The following TRIP12 variants were observed in gnomAD, a reference collection of about 807,000 sequenced individuals.
The protein encoded by TRIP12 is thyroid hormone receptor interactor 12.
In TRIP12, 25 loss-of-function variants were observed where a neutral mutation model predicts 244.2. The observed-to-expected ratio is 0.10, with a 90% CI of 0.07 to 0.14. The LOEUF (loss-of-function observed/expected upper bound fraction) is 0.14, where lower values mean the gene tolerates loss of function less well. Ranked by LOEUF, TRIP12 falls within the 10% of genes least tolerant of loss-of-function variation. The probability of loss-of-function intolerance (pLI) is 1.00; values close to 1 mark genes in which losing one functional copy is unlikely to be tolerated. For missense variants in TRIP12, 1,677 were observed against 2,486.4 expected, an observed-to-expected ratio of 0.67 and a Z score of 6.92; for synonymous variants, 905 against 873.1, an observed-to-expected ratio of 1.04 and a Z score of -0.64.
chr2:229,870,354 A>T (rs754280082), intron 2 of TRIP12, among the ~76,000 whole-genome samples: 17 of 152,254 alleles, frequency 1.1e-4, no homozygotes, highest in Non-Finnish European at 2.2e-4. Context: ...CATGGTGTAC[A>T]AAGAGATGGT....
At position 229,777,447 on chromosome 2, in the gene TRIP12, T is replaced by C. The variant is rs762824531; in HGVS notation, c.5397A>G (p.Lys1799=). 2.0e-5 allele frequency: 33 copies of C among 1,613,736 alleles called. No homozygotes were observed. Among genetic ancestry groups the C allele is most frequent in the Non-Finnish European group, 2.7e-5 (32 of 1,179,820 alleles). ...VDLPLGLPFY[K]WMLRQETSLT... ...GTGAAGTTTCTTGCCGTAGCATCCA[T>C]TTATAAAAGGGTAAGCCAAGGGGAA... Residue 1799 remains lysine, a synonymous_variant, in exon 37 of 42, where the codon AAA becomes AAG. Coordinates refer to ENST00000675903, the MANE Select transcript of TRIP12 (RefSeq NM_001348323.3).
Position 229,848,732 on chromosome 2 carries a change from A to G in TRIP12, c.1028-7805T>C, listed in dbSNP as rs2058075643. ...GAATGCCCCAGATCCAGAGAAAGCAAAACCAGTTGGTCACCCTATCAAGGA... is the reference window on the plus strand; with the variant it reads ...GAATGCCCCAGATCCAGAGAAAGCAGAACCAGTTGGTCACCCTATCAAGGA... On this transcript the variant is annotated intron_variant, in intron 4 of 41. Coordinates refer to ENST00000675903, the MANE Select transcript of TRIP12 (RefSeq NM_001348323.3). 3.3e-5 allele frequency among the ~76,000 whole-genome samples: 5 copies of G among 152,312 alleles called. No homozygotes were observed. In the South Asian group the frequency reaches 1.0e-3, roughly 32 times the overall value.
rs1247881693 is a variant in TRIP12 at position 229,810,885 on chromosome 2, T to C, written c.2216A>G (p.Lys739Arg). ...NCPTLAVQLM[K>R]QNIAETLHFL... Reference sequence around the variant, plus strand: ...AACAGTAAATTTGCACTTACTTTGTTTCATAAGTTGAACAGCTAAAGTTGG... The same window carrying C: ...AACAGTAAATTTGCACTTACTTTGTCTCATAAGTTGAACAGCTAAAGTTGG... The change falls in exon 15 of 42, where the codon AAA becomes AGA. Residue 739 changes from lysine (K) to arginine (R), a missense_variant. Lys to Arg is a conservative substitution (Grantham distance 26, BLOSUM62 2). Coordinates refer to ENST00000675903, the MANE Select transcript of TRIP12 (RefSeq NM_001348323.3). 3 of 1,613,122 alleles carry C rather than the reference T, an allele frequency of 1.9e-6. No homozygotes were observed. Among genetic ancestry groups the C allele is most frequent in the South Asian group, 1.1e-5 (1 of 90,604 alleles).
At chr2:229,793,248 A>G in intron 26 of TRIP12, 103 bp from the exon 27 acceptor site, 1 of 1,139,308 alleles carries the variant, frequency 8.8e-7, no homozygotes, top group Non-Finnish European at 1.2e-6. Context: ...TTCATAAGAC[A>G]CACTAGTACT....
rs1264279038 is a variant in TRIP12 at position 229,764,955 on chromosome 2, T to C, written c.*2599A>G. ...CTGCGTTTCTTACGATGAGTGGCTG[T>C]GTGAAAGGTTTCTGCTGGGTTTGGC... On this transcript the variant is annotated 3_prime_UTR_variant, in exon 42 of 42. Transcript: ENST00000675903. 1.3e-4 allele frequency: 20 copies of C among 152,218 alleles called. No individual in the cohort carries two copies. Among genetic ancestry groups the C allele is most frequent in the Admixed American group, 1.3e-3 (20 of 15,286 alleles). 9.4% of individuals were successfully genotyped at this position (152,218 alleles called of 1,614,324 possible).
chr2:229,776,248 T>A (rs541511302), intron 37 of TRIP12, among the ~76,000 whole-genome samples: 2 of 152,228 alleles, frequency 1.3e-5, no homozygotes, highest in African/African-American at 4.8e-5. Context: ...CAGAGCCTCC[T>A]GTTTTACTTG....
chr2:229,889,724 A>C (rs2066880356), intron 1 of TRIP12, among the ~76,000 whole-genome samples: 1 of 152,198 alleles, frequency 6.6e-6, no homozygotes, highest in Non-Finnish European at 1.5e-5. Context: ...GGGGTACTTT[A>C]AAAGTTCTTC....
chr2:229,856,230 A>T (rs2059591580), intron 4 of TRIP12, among the ~76,000 whole-genome samples: 1 of 152,242 alleles, frequency 6.6e-6, no homozygotes, highest in South Asian at 2.1e-4. Flanking sequence ...AAGTGATTTA[A>T]TAGTGACAAC....
chr2:229,805,493 CA>C (rs1261355359), intron 18 of TRIP12, among the ~76,000 whole-genome samples: 2 of 152,082 alleles, frequency 1.3e-5, no homozygotes, highest in Admixed American at 6.5e-5. Context: ...TCTGTATGAG[CA>C]AATTCTGACT....
At chr2:229,865,772 G>T (rs1046749991) in intron 2 of TRIP12, among the ~76,000 whole-genome samples, 1 of 152,100 alleles carries the variant, frequency 6.6e-6, no homozygotes, top group Non-Finnish European at 1.5e-5. Flanking sequence ...ATTAATGGTG[G>T]AAAGTTCACT....
At chr2:229,898,219 C>T (rs57269432) in intron 1 of TRIP12, among the ~76,000 whole-genome samples, 2,255 of 152,302 alleles carry the variant, frequency 0.015, 60 homozygotes, top group African/African-American at 0.051. Flanking sequence ...CTTAGGTAAG[C>T]AGGCATTCAA....
chr2:229,920,042 C>A (rs950066197), intron 1 of TRIP12, among the ~76,000 whole-genome samples: 1 of 152,146 alleles, frequency 6.6e-6, no homozygotes, highest in Non-Finnish European at 1.5e-5. Flanking sequence ...GTCTCTAAAC[C>A]TCTGCTAATT....
rs7584686 is a variant in TRIP12, at chr2:229,777,154, C to T, written c.5529+161G>A. 0.17 allele frequency among the ~76,000 whole-genome samples: 25,881 copies of T among 151,800 alleles called. 2,797 individuals carry two copies. The highest frequency in any genetic ancestry group is 0.27 in the Middle Eastern group (78 of 292). ...CTGCTGTGAGTATAGGTCATGTGAC[C>T]CACTGTGAAATCATATGTCTTAGTT... On this transcript the variant is annotated intron_variant, in intron 37 of 41. Transcript: ENST00000675903.
At chr2:229,831,021 G>A (rs1483188701) in intron 6 of TRIP12, 182 bp from the exon 7 acceptor site, 1 of 684,528 alleles carries the variant, frequency 1.5e-6, no homozygotes, top group Non-Finnish European at 2.7e-6. Context: ...AATGAAAGGA[G>A]AGCTCAACTA....
chr2:229,796,677 G>C lies in TRIP12; in HGVS notation c.3730C>G (p.Leu1244Val). The stretch of plus-strand genomic sequence containing the variant: ...TTTTCACTTTTAGATGTCAAATAAA[G>C]CAACAGCTGCTTCACAAATCCACTA... The part of the protein sequence containing the change: ...QHSGFVKQLL[L>V]YLTSKSEKDA... The change falls in exon 25 of 42, where the codon CTT (leucine) becomes GTT (valine). Residue 1244 changes from leucine to valine, a missense_variant. By Grantham distance (32) the Leu-to-Val change is conservative (BLOSUM62 1). Coordinates refer to ENST00000675903, the MANE Select transcript of TRIP12 (RefSeq NM_001348323.3). 6.2e-7 allele frequency: 1 copy of C among 1,613,206 alleles called. No homozygotes were observed. The highest frequency in any genetic ancestry group is 1.1e-5 in the South Asian group (1 of 90,900).
At chr2:229,779,681 T>TC (rs1342447877) in intron 34 of TRIP12, among the ~76,000 whole-genome samples, 1 of 152,142 alleles carries the variant, frequency 6.6e-6, no homozygotes, top group Admixed American at 6.5e-5. Context: ...TGCACTGGAA[T>TC]CCCCAGAGCT....
At chr2:229,899,809 G>A (rs2070095067) in intron 1 of TRIP12, among the ~76,000 whole-genome samples, 1 of 152,110 alleles carries the variant, frequency 6.6e-6, no homozygotes, top group African/African-American at 2.4e-5. Flanking sequence ...AAGGTCTAGG[G>A]GCATGAATGA....
chr2:229,866,054 A>G (rs570874070), intron 2 of TRIP12, among the ~76,000 whole-genome samples: 2 of 152,324 alleles, frequency 1.3e-5, no homozygotes, highest in East Asian at 3.9e-4. Flanking sequence ...AAGATGAGCA[A>G]CATACAGAAC....
chr2:229,774,685 A>G (rs2035659775), intron 37 of TRIP12, among the ~76,000 whole-genome samples: 1 of 152,210 alleles, frequency 6.6e-6, no homozygotes, highest in Admixed American at 6.5e-5. Flanking sequence ...CGTAAATATA[A>G]AAAACATACT....
Sources: allele counts gnomAD v4.1 joint callset (sites outside exome capture counted in the v4.1 genomes callset), GRCh38; gene constraint gnomAD v4.1.1; transcripts MANE v1.5; gene names NCBI Gene and HGNC (gene_info 2026-07-23, HGNC 2026-07-21).